Variants in NXPE2 observed in about 807,000 individuals in gnomAD.
NXPE2 encodes the protein NXPE family member 2.
A neutral mutation model predicts 34.4 loss-of-function variants in NXPE2; 34 were observed. The observed-to-expected ratio is 0.99, with a 90% CI of 0.75 to 1.31. NXPE2 has a LOEUF of 1.31. Among genes scored for constraint, NXPE2 ranks in the 40% most tolerant of loss-of-function variants. The probability of loss-of-function intolerance (pLI) is 0.00; values close to 1 mark genes in which losing one functional copy is unlikely to be tolerated. For synonymous variants in NXPE2, 235 were observed against 231.3 expected (o/e 1.02, Z -0.15); for missense variants, 649 against 672.5 (o/e 0.97, Z 0.39).
At chr11:114,704,224 A>T (rs1364998008) in intron 4 of NXPE2, among the ~76,000 whole-genome samples, 172 bp downstream of exon 4, 2 of 152,340 alleles carry the variant, frequency 1.3e-5, no homozygotes, top group Non-Finnish European at 2.9e-5. Flanking sequence ...AATTATTTTC[A>T]TATCGATTTA....
At chr11:114,762,222 G>C in the NXPE2 span, among the ~76,000 whole-genome samples, 1 of 152,230 alleles carries the variant, frequency 6.6e-6, no homozygotes, top group Non-Finnish European at 1.5e-5. Flanking sequence ...CCTGGGTTGG[G>C]AAGTGGCATG....
chr11:114,793,531 C>T, the NXPE2 span, among the ~76,000 whole-genome samples: 3 of 152,128 alleles, frequency 2.0e-5, no homozygotes, highest in Non-Finnish European at 4.4e-5. Context: ...CTGGAGCCAT[C>T]AGGGAAGGCT....
the NXPE2 span, among the ~76,000 whole-genome samples, chr11:114,797,456 G>A: frequency 6.6e-6 from 1 of 152,144 alleles, no homozygotes; most frequent in African/African-American, 2.4e-5. Flanking sequence ...GCTTAAATAA[G>A]GGTTAGTAAG....
At chr11:114,786,855 C>T in the NXPE2 span, among the ~76,000 whole-genome samples, 136 of 152,250 alleles carry the variant, frequency 8.9e-4, no homozygotes, top group African/African-American at 2.8e-3. Context: ...TTCACAGTAC[C>T]GTACAGTGGT....
the NXPE2 span, among the ~76,000 whole-genome samples, chr11:114,779,500 C>T: frequency 4.0e-5 from 6 of 149,758 alleles, no homozygotes; most frequent in South Asian, 2.1e-4. Flanking sequence ...TCGGAAGAGC[C>T]GCAGCATCCC....
the NXPE2 span, among the ~76,000 whole-genome samples, chr11:114,629,296 G>A: frequency 1.3e-5 from 2 of 152,064 alleles, no homozygotes; most frequent in Admixed American, 6.6e-5. Flanking sequence ...ACGGAATCCA[G>A]CAGCACATCA....
chr11:114,727,520 AC>A, the NXPE2 span, among the ~76,000 whole-genome samples: 1 of 152,028 alleles, frequency 6.6e-6, no homozygotes, highest in Non-Finnish European at 1.5e-5. Flanking sequence ...CTTTGAAGTT[AC>A]TTTTATTTTA....
chr11:114,722,450 G>A, the NXPE2 span, among the ~76,000 whole-genome samples: 1 of 151,778 alleles, frequency 6.6e-6, no homozygotes, highest in Non-Finnish European at 1.5e-5. Context: ...CAGTCTCAGG[G>A]AAGTTATTTA....
chr11:114,566,258 AG>A, the NXPE2 span, among the ~76,000 whole-genome samples: 2 of 151,632 alleles, frequency 1.3e-5, no homozygotes, highest in African/African-American at 4.9e-5. Flanking sequence ...ACCCCAAATT[AG>A]CATATAGATA....
the NXPE2 span, among the ~76,000 whole-genome samples, chr11:114,794,299 T>A: frequency 2.0e-5 from 3 of 152,166 alleles, no homozygotes; most frequent in African/African-American, 7.2e-5. Context: ...TCATTCTAGA[T>A]GAAGCACCCT....
chr11:114,763,302 CT>C, the NXPE2 span, among the ~76,000 whole-genome samples: 2 of 151,960 alleles, frequency 1.3e-5, no homozygotes, highest in Admixed American at 6.6e-5. Flanking sequence ...ATTTTTTGTT[CT>C]TTTTTTCATA....
chr11:114,756,091 A>AT, the NXPE2 span, among the ~76,000 whole-genome samples: 2 of 151,796 alleles, frequency 1.3e-5, no homozygotes, highest in African/African-American at 2.4e-5. Context: ...CATTTCTTTC[A>AT]TTTTTTTTCC....
At chr11:114,571,484 A>G in the NXPE2 span, 1 of 1,577,862 alleles carries the variant, frequency 6.3e-7, no homozygotes, top group Non-Finnish European at 8.6e-7. Flanking sequence ...CTGATAACAA[A>G]TAGGCAATCC....
the NXPE2 span, among the ~76,000 whole-genome samples, chr11:114,506,262 G>A: frequency 1.3e-5 from 2 of 152,096 alleles, no homozygotes; most frequent in Non-Finnish European, 2.9e-5. Context: ...AAGAGACTTA[G>A]ACTCTCATGC....
At chr11:114,611,176 G>T in the NXPE2 span, among the ~76,000 whole-genome samples, 2 of 151,526 alleles carry the variant, frequency 1.3e-5, no homozygotes, top group African/African-American at 4.8e-5. Flanking sequence ...CTGTCTCATG[G>T]GTAACCACTG....
At chr11:114,607,097 G>T in the NXPE2 span, among the ~76,000 whole-genome samples, 512 of 150,232 alleles carry the variant, frequency 3.4e-3, 4 homozygotes, top group Admixed American at 9.0e-3. Flanking sequence ...GTATTGCCTC[G>T]TGAGTAACCA....
chr11:114,667,311 C>CAT, the NXPE2 span, among the ~76,000 whole-genome samples: 1 of 152,054 alleles, frequency 6.6e-6, no homozygotes, highest in Non-Finnish European at 1.5e-5. Context: ...TTTTAATAAA[C>CAT]ATAATTATAT....
chr11:114,480,972 G>A, the NXPE2 span, among the ~76,000 whole-genome samples: 1 of 152,102 alleles, frequency 6.6e-6, no homozygotes, highest in Admixed American at 6.6e-5. Context: ...TTCAACTAGG[G>A]GATGGAGAGG....
the NXPE2 span, among the ~76,000 whole-genome samples, chr11:114,662,713 C>T: frequency 6.6e-6 from 1 of 152,206 alleles, no homozygotes; most frequent in East Asian, 1.9e-4. Context: ...AGCTCAGTCA[C>T]AGCAGGATAG....
Sources: gnomAD v4.1 joint callset for allele counts (sites outside exome capture counted in the v4.1 genomes callset) on GRCh38, gnomAD v4.1.1 for gene constraint, MANE v1.5 for transcripts, NCBI Gene and HGNC (gene_info 2026-07-23, HGNC 2026-07-21) for gene names.